BTBD8: variants seen among roughly 807,000 people sequenced by gnomAD.
The protein encoded by BTBD8 is BTB/POZ domain-containing protein 8.
BTBD8 carries 110 observed loss-of-function variants against 162.9 expected under a neutral mutation model. The ratio of observed to expected loss-of-function variants is 0.68; its 90% CI spans 0.58 to 0.79. BTBD8 has a LOEUF of 0.79. BTBD8 is among the 30% of genes least tolerant of loss of function. The probability of loss-of-function intolerance (pLI) is 0.00; values close to 1 mark genes in which losing one functional copy is unlikely to be tolerated. For synonymous variants in BTBD8, 667 were observed against 716.1 expected, an observed-to-expected ratio of 0.93 and a Z score of 1.10; for missense variants, 1,905 against 2,085.4, an observed-to-expected ratio of 0.91 and a Z score of 1.68.
Position 92,181,009 on chromosome 1 carries a change from A to G in BTBD8, c.3326A>G (p.Asp1109Gly). The G allele has an allele frequency of 1.3e-6, 2 of 1,551,842 alleles. No individual in the cohort carries two copies. The highest frequency in any genetic ancestry group is 1.7e-6 in the Non-Finnish European group (2 of 1,147,026). ...ENSLNSNPVC[D>G]LDSTSAGQIH... ...TCCTTGAACTCTAATCCAGTTTGTG[A>G]TTTAGACTCAACAAGTGCAGGGCAA... is the stretch of plus-strand genomic sequence containing the variant. Residue 1109 changes from aspartate to glycine, a missense_variant, in exon 17 of 18, where the codon GAT becomes GGT. By Grantham distance (94) the Asp-to-Gly change is moderately conservative (BLOSUM62 -1). Coordinates refer to ENST00000636805, the MANE Select transcript of BTBD8 (RefSeq NM_001376131.1).
chr1:92,175,904 GTTGGTTC>G (rs771395521), intron 13 of BTBD8, among the ~76,000 whole-genome samples: 1 of 152,078 alleles, frequency 6.6e-6, no homozygotes, highest in Non-Finnish European at 1.5e-5. Flanking sequence ...TCATATCAAG[GTTGGTTC>G]TAAGGAAAAT....
intron 5 of BTBD8, among the ~76,000 whole-genome samples, chr1:92,136,181 C>T (rs1649627469): frequency 6.6e-6 from 1 of 152,086 alleles, no homozygotes; most frequent in African/African-American, 2.4e-5. Context: ...TTTAGTCTCC[C>T]TCTGAAGGTT....
chr1:92,083,717 G>T (rs1020042182), intron 1 of BTBD8, among the ~76,000 whole-genome samples: 1 of 152,128 alleles, frequency 6.6e-6, no homozygotes, highest in African/African-American at 2.4e-5. Flanking sequence ...TTTGAATCTG[G>T]AATTTAAGGA....
rs189202785 is a variant in BTBD8 at position 92,084,558 on chromosome 1, T to A, written c.149+3838T>A. Among the ~76,000 whole-genome samples, 237 of 152,332 alleles carry A rather than the reference T, an allele frequency of 1.6e-3. 1 individual carries two copies. Among genetic ancestry groups the A allele is most frequent in the African/African-American group, 4.6e-3 (193 of 41,574 alleles). Reference sequence around the variant, plus strand: ...AAGGAAGGGGGTTAAGTGAAAATGCTGTATAAACTTCCATGCTGTTTGCAA... The same window carrying A: ...AAGGAAGGGGGTTAAGTGAAAATGCAGTATAAACTTCCATGCTGTTTGCAA... On this transcript the variant is annotated intron_variant, in intron 1 of 17. Coordinates refer to ENST00000636805, the MANE Select transcript of BTBD8 (RefSeq NM_001376131.1).
chr1:92,159,084 A>G (rs1055260351), intron 9 of BTBD8, among the ~76,000 whole-genome samples: 3 of 152,164 alleles, frequency 2.0e-5, no homozygotes, highest in South Asian at 4.1e-4. Context: ...ATTCACTGCC[A>G]TAAGTGATAC....
chr1:92,180,715 AC>A lies in BTBD8; in HGVS notation c.3035del (p.Pro1012HisfsTer5). 1 of 1,551,694 alleles carries A rather than the reference AC, an allele frequency of 6.4e-7. No homozygotes were observed. Among genetic ancestry groups the A allele is most frequent in the Non-Finnish European group, 8.7e-7 (1 of 1,146,990 alleles). On this transcript the variant is annotated frameshift_variant, in exon 17 of 18. Transcript: ENST00000636805. LOFTEE classifies it high-confidence loss of function. Reference protein sequence around the residue: ...AEALQSSCRPDPQKPLNDQEK... With the variant: ...AEALQSSCRPXPQKPLNDQEK... Reference sequence around the variant, plus strand: ...GCACTCCAGTCATCCTGCAGGCCTGACCCACAAAAGCCATTAAACGATCAAG... The same window carrying A: ...GCACTCCAGTCATCCTGCAGGCCTGACCACAAAAGCCATTAAACGATCAAG...
At chr1:92,085,320 G>A (rs1014306251) in intron 1 of BTBD8, among the ~76,000 whole-genome samples, 9 of 152,202 alleles carry the variant, frequency 5.9e-5, no homozygotes, top group African/African-American at 1.7e-4. Context: ...GGCTGGGCAC[G>A]GTGGCTTATG....
chr1:92,169,225 A>G (rs980016054), intron 12 of BTBD8, among the ~76,000 whole-genome samples: 2 of 152,174 alleles, frequency 1.3e-5, no homozygotes, highest in Non-Finnish European at 2.9e-5. Flanking sequence ...TTCTAATCTT[A>G]CTATACATTA....
intron 2 of BTBD8, among the ~76,000 whole-genome samples, chr1:92,092,394 CAAA>C (rs60361376): frequency 6.8e-5 from 9 of 131,496 alleles, no homozygotes; most frequent in Non-Finnish European, 9.7e-5. Context: ...AGGCTATCTC[CAAA>C]AAAAAAAAAA....
intron 16 of BTBD8, among the ~76,000 whole-genome samples, chr1:92,179,416 T>A (rs1021265457): frequency 6.6e-6 from 1 of 152,156 alleles, no homozygotes; most frequent in African/African-American, 2.4e-5. Context: ...TAATAACCAA[T>A]TTTCAAAATT....
rs1339685460 is a variant in BTBD8, at chr1:92,177,513, A to T, written c.2320A>T (p.Asn774Tyr). ...TGATTCTCCAGGACAGATGATGAAA[A>T]ACAGTGTAGATAGTGTCAAAAATTC... Reference protein sequence around the residue: ...FCDSPGQMMKNSVDSVKNSTV... With the variant: ...FCDSPGQMMKYSVDSVKNSTV... Residue 774 changes from asparagine to tyrosine, a missense_variant, in exon 14 of 18, where the codon AAC becomes TAC. Asn to Tyr is a moderately radical substitution (Grantham distance 143, BLOSUM62 -2). This residue lies in a region of BTBD8 where 1,374 missense variants were observed against 1,442.7 expected (regional missense o/e 0.95). Coordinates refer to ENST00000636805, the MANE Select transcript of BTBD8 (RefSeq NM_001376131.1). 1 of 1,549,720 alleles carries T rather than the reference A, an allele frequency of 6.5e-7. No homozygotes were observed. Among genetic ancestry groups the T allele is most frequent in the South Asian group, 1.2e-5 (1 of 83,802 alleles).
intron 2 of BTBD8, among the ~76,000 whole-genome samples, chr1:92,099,081 G>T (rs1648522767): frequency 6.6e-6 from 1 of 152,088 alleles, no homozygotes; most frequent in Admixed American, 6.6e-5. Flanking sequence ...TATGGTATGA[G>T]GTTAGCGTCT....
intron 4 of BTBD8, among the ~76,000 whole-genome samples, chr1:92,112,759 A>G (rs958623493): frequency 6.6e-6 from 1 of 152,232 alleles, no homozygotes. Context: ...TATGTTCTCT[A>G]AAGTATTTGA....
At chr1:92,153,337 C>G (rs1229672890) in intron 9 of BTBD8, among the ~76,000 whole-genome samples, 1 of 151,820 alleles carries the variant, frequency 6.6e-6, no homozygotes, top group African/African-American at 2.4e-5. Context: ...ATTAGTATTA[C>G]TTTCTATATA....
At chr1:92,134,740 C>T (rs1649591296) in intron 5 of BTBD8, among the ~76,000 whole-genome samples, 1 of 151,944 alleles carries the variant, frequency 6.6e-6, no homozygotes, top group Non-Finnish European at 1.5e-5. Context: ...GCCTGTCATT[C>T]AAAAATATTA....
chr1:92,184,451 A>G lies in BTBD8; in HGVS notation c.*121A>G, dbSNP rs993176285. ...TTTAATATTGAGTCTTTCCAATTTA[A>G]TGAGGTAAACATAGTTTATTTATTA... On this transcript the variant is annotated 3_prime_UTR_variant, in exon 18 of 18. Transcript: ENST00000636805. 6.4e-6 allele frequency: 4 copies of G among 628,372 alleles called. No homozygotes were observed. The highest frequency in any genetic ancestry group is 1.8e-5 in the African/African-American group (1 of 54,756). The allele number at this position is 628,372 out of a possible 1,614,324, so 38.9% of individuals were successfully genotyped here.
rs533747567 is a variant in BTBD8, at chr1:92,122,861, G to A, written c.663-6826G>A. 7.2e-5 allele frequency among the ~76,000 whole-genome samples: 11 copies of A among 152,290 alleles called. No individual in the cohort carries two copies. In the South Asian group the frequency reaches 2.3e-3, roughly 32 times the overall value. On this transcript the variant is annotated intron_variant, in intron 4 of 17. Transcript: ENST00000636805. ...ATTACAAGCGTGAGCCACCACACCC[G>A]GCCAGGGATGTCATTTTTTATAACT...
intron 3 of BTBD8, 31 bp from the exon 4 acceptor site, chr1:92,107,853 T>A: frequency 6.4e-7 from 1 of 1,551,828 alleles, no homozygotes; most frequent in Non-Finnish European, 8.7e-7. Flanking sequence ...AATATTAAAC[T>A]ATTTTTTAGT....
rs772988513 is a variant in BTBD8, at chr1:92,168,878, A to C, written c.1456A>C (p.Lys486Gln). The C allele has an allele frequency of 6.6e-6, 10 of 1,521,370 alleles. No homozygotes were observed. The highest frequency in any genetic ancestry group is 8.9e-6 in the Non-Finnish European group (10 of 1,124,332). The allele number at this position is 1,521,370 out of a possible 1,614,324, so 94.2% of individuals were successfully genotyped here. ...DSTKEMGFTC[K>Q]IQALRDKLWI... is the part of the protein sequence containing the mutation. The stretch of plus-strand genomic sequence containing the variant: ...TGCTTGAACACAGGGTTTTACGTGC[A>C]AGATCCAGGCTCTGCGTGATAAGCT... The change falls in exon 12 of 18, where the codon AAG becomes CAG. Residue 486 changes from lysine (K) to glutamine (Q), a missense_variant. By Grantham distance (53) the Lys-to-Gln change is moderately conservative. This residue lies in a region of BTBD8 where 1,374 missense variants were observed against 1,442.7 expected (regional missense o/e 0.95). Transcript: ENST00000636805.
Sources: allele counts gnomAD v4.1 joint callset (sites outside exome capture counted in the v4.1 genomes callset), GRCh38; gene constraint gnomAD v4.1.1; regional missense constraint gnomAD v4.1.1; transcripts MANE v1.5; gene names NCBI Gene and HGNC (gene_info 2026-07-23, HGNC 2026-07-21).